Variants in ZNF790 observed in about 807,000 individuals in gnomAD.
ZNF790 encodes zinc finger protein 790.
ZNF790 carries 8 observed loss-of-function variants against 12.1 expected under a neutral mutation model. The observed-to-expected ratio is 0.66, with a 90% CI of 0.39 to 1.19. ZNF790 has a LOEUF of 1.19. ZNF790 is among the 50% of genes most tolerant of loss of function. The pLI, the probability that ZNF790 is intolerant of heterozygous loss-of-function variation, is 0.01. For synonymous variants in ZNF790, 252 were observed against 244.3 expected (o/e 1.03, Z -0.29); for missense variants, 707 against 752.2 (o/e 0.94, Z 0.70).
upstream of ZNF790, among the ~76,000 whole-genome samples, chr19:36,839,463 C>T (rs564462276): frequency 6.6e-5 from 10 of 152,156 alleles, no homozygotes; most frequent in East Asian, 1.4e-3. Flanking sequence ...TACAGTGGCA[C>T]GATCTAGGCT....
At chr19:36,835,538 G>T (rs1416268493) in intron 1 of ZNF790, among the ~76,000 whole-genome samples, 1 of 152,096 alleles carries the variant, frequency 6.6e-6, no homozygotes, top group African/African-American at 2.4e-5. Context: ...TATGTCACAG[G>T]GATCAAGACT....
chr19:36,830,667 T>A lies in ZNF790; in HGVS notation c.-73-4975A>T, dbSNP rs543067983. ...TGGCTATTCAAAGGGAACCAAATTT[T>A]AAAAAAATTGTCTTCTACTGGGGTA... On this transcript the variant is annotated intron_variant, in intron 1 of 4. Transcript: ENST00000356725. Among the ~76,000 whole-genome samples, 5 of 152,214 alleles carry A rather than the reference T, an allele frequency of 3.3e-5. No homozygotes were observed. In the East Asian group the frequency reaches 5.8e-4, roughly 18 times the overall value.
In ZNF790 at chr19:36,826,311, C is replaced by T. The variant is rs371843917; in HGVS notation, c.-73-619G>A. Among the ~76,000 whole-genome samples, 13 of 152,022 alleles carry T rather than the reference C, an allele frequency of 8.6e-5. No homozygotes were observed. In the South Asian group the frequency reaches 2.1e-3, roughly 24 times the overall value. ...TTATTAAAAAAATATATTGGCCGGG[C>T]GTGGTGGCTCTCGCCTGTAATCCCA... On this transcript the variant is annotated intron_variant, in intron 1 of 4. Coordinates refer to ENST00000356725, the MANE Select transcript of ZNF790 (RefSeq NM_206894.4).
chr19:36,848,821 T>C (rs2072207846), intron 1 of ZNF790, among the ~76,000 whole-genome samples: 1 of 151,346 alleles, frequency 6.6e-6, no homozygotes, highest in South Asian at 2.1e-4. Flanking sequence ...TGAGACGGAG[T>C]CTCACTCTGT....
At chr19:36,845,897 C>T (rs1170739567) in intron 1 of ZNF790, among the ~76,000 whole-genome samples, 4 of 151,918 alleles carry the variant, frequency 2.6e-5, no homozygotes, top group African/African-American at 7.3e-5. Flanking sequence ...CAACCTCTGC[C>T]TCCCGGGTTC....
chr19:36,824,585 C>G (rs1023407111), intron 2 of ZNF790, among the ~76,000 whole-genome samples: 1 of 152,156 alleles, frequency 6.6e-6, no homozygotes, highest in Non-Finnish European at 1.5e-5. Flanking sequence ...TAATGAGCCA[C>G]TGCACCCGGT....
At chr19:36,843,903 G>T (rs2072151539) in intron 1 of ZNF790, among the ~76,000 whole-genome samples, 1 of 151,590 alleles carries the variant, frequency 6.6e-6, no homozygotes, top group Non-Finnish European at 1.5e-5. Context: ...AGCTGCTCGG[G>T]AGGCTGAGGC....
Position 36,820,111 on chromosome 19 carries a change from A to G in ZNF790, c.233T>C (p.Met78Thr). ...CTTCTTGGTCTGACACCTCGACTGC[A>G]TGTCTGAAAAATAAGAAGGTAAAAA... is the stretch of plus-strand genomic sequence containing the variant. ...RDETRGPCPD[M>T]QSRCQTKKLL... is the part of the protein sequence containing the mutation. The change falls in exon 5 of 5, where the codon ATG (methionine) becomes ACG (threonine). Residue 78 changes from methionine to threonine, a missense_variant. By Grantham distance (81) the Met-to-Thr change is moderately conservative (BLOSUM62 -1). Transcript: ENST00000356725. The G allele has an allele frequency of 6.3e-7, 1 of 1,597,662 alleles. No homozygotes were observed. Among genetic ancestry groups the G allele is most frequent in the Non-Finnish European group, 8.5e-7 (1 of 1,176,768 alleles).
At position 36,819,599 on chromosome 19, in the gene ZNF790, T is replaced by C; in HGVS notation, c.745A>G (p.Thr249Ala). ...SSLTGHKRIH[T>A]GEKPFKCKDC... is the part of the protein sequence containing the mutation. ...TTACATTTAAAAGGTTTCTCACCGG[T>C]ATGAATTCTCTTATGACCAGTAAGA... Residue 249 changes from threonine (T) to alanine (A), a missense_variant, in exon 5 of 5, where the codon ACC (threonine) becomes GCC (alanine). Transcript: ENST00000356725. 1 of 1,608,998 alleles carries C rather than the reference T, an allele frequency of 6.2e-7. No individual in the cohort carries two copies. The highest frequency in any genetic ancestry group is 8.5e-7 in the Non-Finnish European group (1 of 1,177,648).
In ZNF790 at chr19:36,849,132, G is replaced by C. The variant is rs919036924; in HGVS notation, c.-74+870C>G. ...TTGTTTTGTTTGTAGAGAGTATGCT[G>C]TTCAGGCTGGTCTCAAACTCCTGAG... On this transcript the variant is annotated intron_variant, in intron 1 of 4. Coordinates refer to the ZNF790 transcript ENST00000528994. Among the ~76,000 whole-genome samples the C allele has an allele frequency of 2.6e-5, 4 of 152,018 alleles. No individual in the cohort carries two copies. In the South Asian group the frequency reaches 8.3e-4, roughly 32 times the overall value.
At position 36,818,699 on chromosome 19, in the gene ZNF790, G is replaced by A; in HGVS notation, c.1645C>T (p.Leu549Phe). The change falls in exon 5 of 5, where the codon CTT (leucine) becomes TTT (phenylalanine). Residue 549 changes from leucine (L) to phenylalanine (F), a missense_variant. Physicochemically the swap from Leu to Phe is conservative, Grantham distance 22. Coordinates refer to ENST00000356725, the MANE Select transcript of ZNF790 (RefSeq NM_206894.4). Reference protein sequence around the residue: ...CGKSFIWGSQLTRHKKIHTDA... With the variant: ...CGKSFIWGSQFTRHKKIHTDA... ...GTATGAATTTTCTTATGTCGTGTAA[G>A]CTGTGAACCCCAGATAAAAGATTTC... The A allele has an allele frequency of 6.2e-7, 1 of 1,613,646 alleles. No individual in the cohort carries two copies. The highest frequency in any genetic ancestry group is 8.5e-7 in the Non-Finnish European group (1 of 1,179,876).
intron 1 of ZNF790, among the ~76,000 whole-genome samples, chr19:36,826,020 C>A (rs1350803226): frequency 6.6e-6 from 1 of 152,190 alleles, no homozygotes; most frequent in African/African-American, 2.4e-5. Flanking sequence ...GTCACTTGCT[C>A]AAATTCACTA....
intron 1 of ZNF790, among the ~76,000 whole-genome samples, chr19:36,846,325 G>A (rs1053668353): frequency 1.3e-5 from 2 of 152,040 alleles, no homozygotes; most frequent in African/African-American, 4.8e-5. Flanking sequence ...TTGGGAGGAC[G>A]ATGCGGGCAG....
intron 1 of ZNF790, among the ~76,000 whole-genome samples, chr19:36,844,318 A>G (rs1490234439): frequency 6.7e-6 from 1 of 149,988 alleles, no homozygotes; most frequent in Non-Finnish European, 1.5e-5. Context: ...CTCAAAAACA[A>G]AACAAAACAA....
At chr19:36,827,470 C>T (rs746661000) in intron 1 of ZNF790, among the ~76,000 whole-genome samples, 4 of 151,922 alleles carry the variant, frequency 2.6e-5, no homozygotes, top group Non-Finnish European at 4.4e-5. Flanking sequence ...CCTGTTTTTG[C>T]GATTGTCTAT....
At chr19:36,830,942 A>G (rs2071933848) in intron 1 of ZNF790, among the ~76,000 whole-genome samples, 1 of 152,220 alleles carries the variant, frequency 6.6e-6, no homozygotes, top group African/African-American at 2.4e-5. Flanking sequence ...GATCGAGACC[A>G]TCCTGGCTAA....
At chr19:36,842,600 G>T (rs1459877640), upstream of ZNF790, among the ~76,000 whole-genome samples, 5 of 151,046 alleles carry the variant, frequency 3.3e-5, no homozygotes, top group Non-Finnish European at 7.4e-5. Flanking sequence ...TCACTTTAGG[G>T]ATACAATGGA....
chr19:36,844,505 T>C (rs1204257231), intron 1 of ZNF790, among the ~76,000 whole-genome samples: 1 of 152,022 alleles, frequency 6.6e-6, no homozygotes, highest in Non-Finnish European at 1.5e-5. Context: ...TTGGTATGTA[T>C]AATTGAAGTC....
chr19:36,823,961 A>G (rs1026742342), intron 2 of ZNF790, 171 bp from the exon 3 acceptor site: 2 of 481,158 alleles, frequency 4.2e-6, no homozygotes, highest in African/African-American at 2.0e-5. Flanking sequence ...ACATGGGAAT[A>G]AGGGTGACAA....
Sources: gnomAD v4.1 joint callset for allele counts (sites outside exome capture counted in the v4.1 genomes callset) on GRCh38, gnomAD v4.1.1 for gene constraint, MANE v1.5 for transcripts, NCBI Gene and HGNC (gene_info 2026-07-23, HGNC 2026-07-21) for gene names.